The following EMSY variants were observed in gnomAD, a reference collection of about 807,000 sequenced individuals.
The protein encoded by EMSY is EMSY transcriptional repressor, BRCA2 interacting.
A neutral mutation model predicts 134.6 loss-of-function variants in EMSY; 26 were observed. That is an observed-to-expected ratio of 0.19 (90% CI 0.14 to 0.27). The LOEUF is 0.27. Among genes scored for constraint, EMSY ranks in the 10% least tolerant of loss-of-function variants. The probability of loss-of-function intolerance (pLI) is 1.00; values close to 1 mark genes in which losing one functional copy is unlikely to be tolerated. For synonymous variants in EMSY, 579 were observed against 577.8 expected (o/e 1.00, Z -0.03); for missense variants, 1,305 against 1,611.4 (o/e 0.81, Z 3.26).
intron 8 of EMSY, among the ~76,000 whole-genome samples, chr11:76,487,790 G>A (rs538283017): frequency 2.6e-5 from 4 of 152,318 alleles, no homozygotes; most frequent in South Asian, 2.1e-4. Context: ...GAGGTACCTC[G>A]TTATGCCTAT....
intron 16 of EMSY, among the ~76,000 whole-genome samples, chr11:76,539,262 G>C (rs1951342965): frequency 6.6e-6 from 1 of 152,142 alleles, no homozygotes; most frequent in Non-Finnish European, 1.5e-5. Flanking sequence ...GCAATATGTA[G>C]AGGACTCCTT....
chr11:76,486,649 C>G (rs558996407), intron 8 of EMSY, among the ~76,000 whole-genome samples: 1 of 152,134 alleles, frequency 6.6e-6, no homozygotes, highest in East Asian at 1.9e-4. Context: ...GATCTCTGAC[C>G]TCTCCTCCTT....
chr11:76,529,833 T>G (rs1950969483), intron 14 of EMSY, among the ~76,000 whole-genome samples: 1 of 152,258 alleles, frequency 6.6e-6, no homozygotes, highest in Admixed American at 6.5e-5. Context: ...TTTGCTAAGA[T>G]GGACTTTATC....
intron 4 of EMSY, among the ~76,000 whole-genome samples, chr11:76,457,201 T>C (rs1027441805): frequency 5.3e-5 from 8 of 152,200 alleles, no homozygotes; most frequent in African/African-American, 1.9e-4. Flanking sequence ...TATACTCTTA[T>C]CTAAATCTGA....
chr11:76,525,988 T>C (rs1315521318), intron 12 of EMSY, among the ~76,000 whole-genome samples: 1 of 152,132 alleles, frequency 6.6e-6, no homozygotes, highest in African/African-American at 2.4e-5. Flanking sequence ...ATGTATTTTA[T>C]GTGTGTGCAT....
At chr11:76,463,774 C>T (rs2135171370) in intron 6 of EMSY, 47 bp from the exon 8 acceptor site, 1 of 1,588,422 alleles carries the variant, frequency 6.3e-7, no homozygotes, top group African/African-American at 1.4e-5. Context: ...GTGTATAATG[C>T]AAGATTAGTT....
intron 20 of EMSY, among the ~76,000 whole-genome samples, chr11:76,547,990 A>G (rs1951713562): frequency 6.6e-6 from 1 of 152,178 alleles, no homozygotes; most frequent in Non-Finnish European, 1.5e-5. Context: ...TGTATCCACT[A>G]TGTAACAGCA....
At chr11:76,458,590 A>T in intron 5 of EMSY, 3 of 359,262 alleles carry the variant, frequency 8.4e-6, no homozygotes, top group South Asian at 6.8e-5. Context: ...AATTGCAAAA[A>T]CCTCGGAATA....
chr11:76,524,038 A>C (rs1192380002), intron 12 of EMSY, among the ~76,000 whole-genome samples: 1 of 152,152 alleles, frequency 6.6e-6, no homozygotes, highest in Non-Finnish European at 1.5e-5. Context: ...CAACAGAGTG[A>C]GACCTTGCCT....
In EMSY at chr11:76,523,704, C is replaced by CTTTTTTTTTTTTTTTTTT. The variant is rs746491659; in HGVS notation, c.1821+417_1821+434dup. On this transcript the variant is annotated intron_variant, in intron 12 of 20. Coordinates refer to ENST00000334736, the Ensembl canonical transcript of EMSY. ...TTAATTGATGGGGATTTGTTACTTT[C>CTTTTTTTTTTTTTTTTTT]TTTTTTTTTTTTTTTTTTTTTCATT... Among the ~76,000 whole-genome samples, 36 of 80,532 alleles carry CTTTTTTTTTTTTTTTTTT rather than the reference C, an allele frequency of 4.5e-4. 1 individual carries two copies. The highest frequency in any genetic ancestry group is 1.3e-3 in the African/African-American group (26 of 19,388). 52.8% of individuals were successfully genotyped at this position (80,532 alleles called of 152,430 possible). A position where few individuals can be genotyped will look rare whatever the true frequency, so the allele number is the denominator to read the frequency against.
intron 10 of EMSY, among the ~76,000 whole-genome samples, chr11:76,515,224 G>A (rs971732995): frequency 3.3e-5 from 5 of 150,766 alleles, no homozygotes; most frequent in African/African-American, 4.9e-5. Flanking sequence ...GGGAGGAGGC[G>A]AGTATTGAAA....
chr11:76,491,028 A>G (rs1565311055), intron 8 of EMSY, among the ~76,000 whole-genome samples: 1 of 152,276 alleles, frequency 6.6e-6, no homozygotes, highest in Admixed American at 6.5e-5. Flanking sequence ...ATACTTATAT[A>G]TCAGTTTCCT....
chr11:76,523,769 G>T (rs1237841537), intron 12 of EMSY, among the ~76,000 whole-genome samples: 1 of 138,014 alleles, frequency 7.2e-6, no homozygotes, highest in Non-Finnish European at 1.5e-5. Flanking sequence ...ATCAGACTGG[G>T]TGTGGTGGCA....
At chr11:76,447,287 A>T (rs899885839) in intron 2 of EMSY, among the ~76,000 whole-genome samples, 1 of 152,200 alleles carries the variant, frequency 6.6e-6, no homozygotes, top group Non-Finnish European at 1.5e-5. Flanking sequence ...TAAATATTTT[A>T]AGAATTAGCT....
intron 8 of EMSY, among the ~76,000 whole-genome samples, chr11:76,493,924 G>T (rs1403549782): frequency 6.6e-6 from 1 of 152,182 alleles, no homozygotes; most frequent in African/African-American, 2.4e-5. Flanking sequence ...GCAGCCCTTG[G>T]GGGAGCCCAG....
At chr11:76,498,368 A>G (rs970790857) in intron 9 of EMSY, among the ~76,000 whole-genome samples, 5 of 152,222 alleles carry the variant, frequency 3.3e-5, no homozygotes, top group African/African-American at 7.2e-5. Flanking sequence ...CAGTTCTCCT[A>G]TATCTATGCT....
At chr11:76,447,350 C>T (rs754040608) in intron 2 of EMSY, among the ~76,000 whole-genome samples, 2 of 152,098 alleles carry the variant, frequency 1.3e-5, no homozygotes, top group African/African-American at 2.4e-5. Flanking sequence ...TGTTTTGTCT[C>T]GTCTCCATTT....
At chr11:76,490,135 T>A (rs11236765) in intron 8 of EMSY, among the ~76,000 whole-genome samples, 3,172 of 152,218 alleles carry the variant, frequency 0.021, 102 homozygotes, top group African/African-American at 0.071. Context: ...TGTTCCTTGT[T>A]CCTTTTGGTC....
At chr11:76,508,540 C>A (rs1277617959) in intron 9 of EMSY, among the ~76,000 whole-genome samples, 1 of 152,156 alleles carries the variant, frequency 6.6e-6, no homozygotes, top group Non-Finnish European at 1.5e-5. Flanking sequence ...TTAAACTCAG[C>A]AACTGCATTA....
Sources: allele counts gnomAD v4.1 joint callset (sites outside exome capture counted in the v4.1 genomes callset), GRCh38; gene constraint gnomAD v4.1.1; transcripts MANE v1.5; gene names NCBI Gene and HGNC (gene_info 2026-07-23, HGNC 2026-07-21).